Variants in IGF2BP1 observed in about 807,000 individuals in gnomAD.
The protein encoded by IGF2BP1 is insulin like growth factor 2 mRNA binding protein 1.
In IGF2BP1, 11 loss-of-function variants were observed where a neutral mutation model predicts 74.9. The ratio of observed to expected loss-of-function variants is 0.15; its 90% confidence interval spans 0.09 to 0.24. The LOEUF is 0.24. Ranked by LOEUF, IGF2BP1 falls within the 10% of genes least tolerant of loss-of-function variation. The pLI is 1.00. For synonymous variants in IGF2BP1, 287 were observed against 281.8 expected (o/e 1.02, Z -0.18); for missense variants, 440 against 757.4 (o/e 0.58, Z 4.92).
intron 2 of IGF2BP1, among the ~76,000 whole-genome samples, chr17:49,024,734 C>T (rs753782941): frequency 1.3e-5 from 2 of 152,210 alleles, no homozygotes; most frequent in East Asian, 1.9e-4. Flanking sequence ...AACCACTGCA[C>T]TATATCTTGC....
At chr17:49,026,351 C>T in intron 3 of IGF2BP1, 115 bp from the exon 4 acceptor site, 1 of 865,226 alleles carries the variant, frequency 1.2e-6, no homozygotes, top group Non-Finnish European at 2.0e-6. Context: ...AATGCTCAAA[C>T]ACTCCTATGG....
At chr17:49,014,900 A>G in intron 2 of IGF2BP1, 1 of 985,268 alleles carries the variant, frequency 1.0e-6, no homozygotes, top group Non-Finnish European at 1.2e-6. Context: ...GGCTCCTGAG[A>G]GGGCCACCTC....
In IGF2BP1 at chr17:49,046,214, C is replaced by T. The variant is rs373124141; in HGVS notation, c.1528-46C>T. ...CCTGGCTCCTCCCTCCAACCCCACC[C>T]ATGCTTTCTTGATGGCACCCTGAGC... is the stretch of plus-strand genomic sequence containing the variant. On this transcript the variant is annotated intron_variant, in intron 13 of 14. Coordinates refer to ENST00000290341, the MANE Select transcript of IGF2BP1 (RefSeq NM_006546.4). The T allele has an allele frequency of 1.5e-4, 235 of 1,546,332 alleles. 1 individual carries two copies. In the Middle Eastern group the frequency reaches 3.4e-3, roughly 22 times the overall value.
At chr17:48,998,066 CG>C (rs1162189067) in intron 1 of IGF2BP1, 146 bp downstream of exon 1, 1 of 751,676 alleles carries the variant, frequency 1.3e-6, no homozygotes, top group Non-Finnish European at 2.1e-6. Context: ...CTACCCCCTT[CG>C]ATGCCCCCTC....
intron 14 of IGF2BP1, 28 bp from the exon 15 acceptor site, chr17:49,049,307 TCCTTGGAGGTCTCACAC>T: frequency 6.4e-7 from 1 of 1,558,444 alleles, no homozygotes; most frequent in Non-Finnish European, 8.8e-7. Context: ...GAAGGCTGTC[TCCTTGGAGGTCTCACAC>T]CCACTCTCTT....
intron 4 of IGF2BP1, among the ~76,000 whole-genome samples, chr17:49,027,831 G>C (rs1159122483): frequency 2.5e-4 from 30 of 118,082 alleles, no homozygotes; most frequent in Admixed American, 9.3e-4. Flanking sequence ...CAGCCTGGGC[G>C]AAAGAGCGAG....
In IGF2BP1 at chr17:49,038,874, A is replaced by ATCTTTTTT. The variant is rs1491495832; in HGVS notation, c.683+426_683+427insCTTTTTTT. Reference sequence around the variant, plus strand: ...CTGCCACTGCCACCTTCTTTCTTTAATATTTTTTTTTTTTTTTTTTTGAGA... The same window carrying ATCTTTTTT: ...CTGCCACTGCCACCTTCTTTCTTTAATCTTTTTTTATTTTTTTTTTTTTTTTTTTGAGA... On this transcript the variant is annotated intron_variant, in intron 6 of 14. Coordinates refer to ENST00000290341, the MANE Select transcript of IGF2BP1 (RefSeq NM_006546.4). Among the ~76,000 whole-genome samples the ATCTTTTTT allele has an allele frequency of 9.3e-5, 7 of 75,274 alleles. 1 individual carries two copies. Among genetic ancestry groups the ATCTTTTTT allele is most frequent in the African/African-American group, 2.8e-4 (5 of 17,828 alleles). The allele number at this position is 75,274 out of a possible 152,430, so 49.4% of individuals were successfully genotyped here. A position where few individuals can be genotyped will look rare whatever the true frequency, so the allele number is the denominator to read the frequency against.
chr17:49,055,741 G>GT lies in IGF2BP1; in HGVS notation c.*6298dup, dbSNP rs1299132282. The GT allele has an allele frequency of 2.5e-6, 1 of 393,186 alleles. No individual in the cohort carries two copies. The highest frequency in any genetic ancestry group is 2.1e-5 in the African/African-American group (1 of 48,112). The allele number at this position is 393,186 out of a possible 1,614,324, so 24.4% of individuals were successfully genotyped here. On this transcript the variant is annotated 3_prime_UTR_variant, in exon 15 of 15. Coordinates refer to ENST00000290341, the MANE Select transcript of IGF2BP1 (RefSeq NM_006546.4). ...TCCTCCCCTGAGGCAAAGTGGATTT[G>GT]TAAGCAGTTCTGAAACATCACTTAC...
At chr17:49,048,632 C>A (rs1281298978) in intron 14 of IGF2BP1, among the ~76,000 whole-genome samples, 1 of 152,076 alleles carries the variant, frequency 6.6e-6, no homozygotes, top group Non-Finnish European at 1.5e-5. Flanking sequence ...TAAGTTACGA[C>A]CCTCTACAAC....
intron 5 of IGF2BP1, chr17:49,037,059 C>G (rs938697361): frequency 4.1e-5 from 10 of 241,884 alleles, no homozygotes; most frequent in African/African-American, 1.4e-4. Flanking sequence ...TATGAAATGT[C>G]ATGTAAACCA....
chr17:48,997,674 C>G lies in IGF2BP1; in HGVS notation c.-72C>G. On this transcript the variant is annotated 5_prime_UTR_variant, in exon 1 of 15. Coordinates refer to ENST00000290341, the MANE Select transcript of IGF2BP1 (RefSeq NM_006546.4). The surrounding 1 kb of genome is among the most constrained non-coding windows in gnomAD (Gnocchi z 4.8). ...GCCGCCGGCCTCTCCGCCTCTTGGC[C>G]TAGGAGGCTCGCCGCCCGCGCCCGC... 4 of 1,536,282 alleles carry G rather than the reference C, an allele frequency of 2.6e-6. No homozygotes were observed. The highest frequency in any genetic ancestry group is 3.6e-6 in the Non-Finnish European group (4 of 1,126,676).
chr17:49,048,568 T>C (rs2042131703), intron 14 of IGF2BP1, among the ~76,000 whole-genome samples: 1 of 152,156 alleles, frequency 6.6e-6, no homozygotes, highest in Non-Finnish European at 1.5e-5. Flanking sequence ...TCTAGACATA[T>C]TATTCCTTTT....
intron 1 of IGF2BP1, among the ~76,000 whole-genome samples, chr17:48,998,300 C>A (rs995823773): frequency 6.6e-6 from 1 of 152,014 alleles, no homozygotes; most frequent in Non-Finnish European, 1.5e-5. Context: ...CCGGTGGACG[C>A]CCCCCCAGCT....
At chr17:49,024,055 T>TA (rs1426946164) in intron 2 of IGF2BP1, among the ~76,000 whole-genome samples, 14 of 150,442 alleles carry the variant, frequency 9.3e-5, no homozygotes, top group Non-Finnish European at 1.9e-4. Context: ...TAGCTGGAAT[T>TA]ACAGGCACGT....
At chr17:49,021,519 C>T (rs554252842) in intron 2 of IGF2BP1, among the ~76,000 whole-genome samples, 123 of 152,282 alleles carry the variant, frequency 8.1e-4, no homozygotes, top group Middle Eastern at 3.4e-3. Flanking sequence ...CCCGTCCCCA[C>T]GTGCCCCACC....
At chr17:49,026,700 C>A (rs2041861727) in intron 4 of IGF2BP1, among the ~76,000 whole-genome samples, 183 bp downstream of exon 4, 1 of 104,542 alleles carries the variant, frequency 9.6e-6, no homozygotes, top group African/African-American at 3.0e-5. Context: ...TTCCTGCCTT[C>A]CTGCCTTCCT....
chr17:49,039,925 C>A (rs1334931558), intron 6 of IGF2BP1, 32 bp from the exon 7 acceptor site: 1 of 1,610,018 alleles, frequency 6.2e-7, no homozygotes, highest in Non-Finnish European at 8.5e-7. Flanking sequence ...TCACTGGGGA[C>A]AACTAACCAG....
In IGF2BP1 at chr17:49,046,433, G is replaced by C. The variant is rs138277893; in HGVS notation, c.1641+60G>C. 170 of 1,288,694 alleles carry C rather than the reference G, an allele frequency of 1.3e-4. No individual in the cohort carries two copies. The African/African-American group carries it at 2.2e-3, about 16-fold the overall frequency. The allele number at this position is 1,288,694 out of a possible 1,614,324, so 79.8% of individuals were successfully genotyped here. A position where few individuals can be genotyped will look rare whatever the true frequency, so the allele number is the denominator to read the frequency against. On this transcript the variant is annotated intron_variant, in intron 14 of 14. Transcript: ENST00000290341. Reference sequence around the variant, plus strand: ...CAGGAGCCCAGGGAGCAGAGAAGCAGAGACTCTATAGAGGTTGACCTTCAT... The same window carrying C: ...CAGGAGCCCAGGGAGCAGAGAAGCACAGACTCTATAGAGGTTGACCTTCAT...
chr17:49,040,600 C>T (rs1163209706), intron 7 of IGF2BP1, among the ~76,000 whole-genome samples: 3 of 152,174 alleles, frequency 2.0e-5, no homozygotes, highest in Non-Finnish European at 2.9e-5. Context: ...CCTGCATGTA[C>T]GGATATGTGT....
Sources: gnomAD v4.1 joint callset for allele counts (sites outside exome capture counted in the v4.1 genomes callset) on GRCh38, gnomAD v4.1.1 for gene constraint, Gnocchi (gnomAD v3.1) non-coding constraint, MANE v1.5 for transcripts, NCBI Gene and HGNC (gene_info 2026-07-23, HGNC 2026-07-21) for gene names.